UGT2B11: variants seen among roughly 807,000 people sequenced by gnomAD.
The protein encoded by UGT2B11 is UDP-glucuronosyltransferase 2B11.
Under a neutral mutation model 51.7 loss-of-function variants are expected in UGT2B11, and 49 were observed. The observed-to-expected ratio is 0.95, with a 90% CI of 0.75 to 1.20. The LOEUF is 1.20. UGT2B11 is among the 50% of genes most tolerant of loss of function. The pLI is 0.00. For missense variants in UGT2B11, 810 were observed against 622.1 expected, an observed-to-expected ratio of 1.30 and a Z score of -3.21; for synonymous variants, 273 against 209.0, an observed-to-expected ratio of 1.31 and a Z score of -2.64.
At chr4:69,208,809 A>G (rs1350078495) in intron 2 of UGT2B11, among the ~76,000 whole-genome samples, 2 of 151,600 alleles carry the variant, frequency 1.3e-5, no homozygotes, top group African/African-American at 2.4e-5. Context: ...TAATACTATA[A>G]TTACTAATAT....
At chr4:69,210,298 T>A (rs1438261629) in intron 2 of UGT2B11, among the ~76,000 whole-genome samples, 1 of 151,626 alleles carries the variant, frequency 6.6e-6, no homozygotes, top group Non-Finnish European at 1.5e-5. Context: ...TAGGTGCACC[T>A]TGATTTTTTT....
In UGT2B11 at chr4:69,212,697, G is replaced by T; in HGVS notation, c.746C>A (p.Thr249Lys). 6.2e-7 allele frequency: 1 copy of T among 1,608,904 alleles called. No individual in the cohort carries two copies. Among genetic ancestry groups the T allele is most frequent in the Non-Finnish European group, 8.5e-7 (1 of 1,177,290 alleles). Residue 249 changes from threonine (T) to lysine (K), a missense_variant, in exon 2 of 6, where the codon ACA becomes AAA. Physicochemically the swap from Thr to Lys is moderately conservative, Grantham distance 78 (BLOSUM62 -1). Coordinates refer to ENST00000446444, the MANE Select transcript of UGT2B11 (RefSeq NM_001073.3). Reference protein sequence around the residue: ...VLGRPTTLFETMGKADIWLMR... With the variant: ...VLGRPTTLFEKMGKADIWLMR... Reference sequence around the variant, plus strand: ...AAGCCATATGTCAGCTTTTCCCATTGTCTCAAATAAGGTAGTGGGTCTTCC... The same window carrying T: ...AAGCCATATGTCAGCTTTTCCCATTTTCTCAAATAAGGTAGTGGGTCTTCC...
intron 3 of UGT2B11, chr4:69,205,823 T>C (rs1240894011): frequency 8.3e-6 from 3 of 359,874 alleles, no homozygotes; most frequent in East Asian, 1.1e-4. Flanking sequence ...TTCAAAAAAT[T>C]GTTACACTTT....
At position 69,205,556 on chromosome 4, in the gene UGT2B11, T is replaced by C. The variant is rs1306173670; in HGVS notation, c.1014A>G (p.Arg338=). Residue 338 remains arginine, a synonymous_variant, in exon 4 of 6, where the codon AGA becomes AGG. Coordinates refer to ENST00000446444, the MANE Select transcript of UGT2B11 (RefSeq NM_001073.3). Reference sequence around the variant, plus strand: ...AGGCATCTGGTTTATTCCCGTCAAATCTCCACAGAACCTGTTACAGTAAAG... The same window carrying C: ...AGGCATCTGGTTTATTCCCGTCAAACCTCCACAGAACCTGTTACAGTAAAG... ...LAKIPQKVLW[R]FDGNKPDALG... 1.2e-6 allele frequency: 2 copies of C among 1,609,856 alleles called. No individual in the cohort carries two copies. Among genetic ancestry groups the C allele is most frequent in the African/African-American group, 1.3e-5 (1 of 74,578 alleles).
intron 2 of UGT2B11, among the ~76,000 whole-genome samples, chr4:69,210,343 CTA>C (rs1722015234): frequency 2.0e-5 from 3 of 151,380 alleles, no homozygotes; most frequent in African/African-American, 7.3e-5. Flanking sequence ...AAATTAATAA[CTA>C]CGCATTTTTA....
In UGT2B11 at chr4:69,200,732, A is replaced by C; in HGVS notation, c.1311-13T>G. The C allele has an allele frequency of 1.9e-6, 3 of 1,601,984 alleles. No homozygotes were observed. The highest frequency in any genetic ancestry group is 2.6e-6 in the Non-Finnish European group (3 of 1,174,332). On this transcript the variant is annotated splice_polypyrimidine_tract_variant and intron_variant, in intron 5 of 5. Coordinates refer to ENST00000446444, the MANE Select transcript of UGT2B11 (RefSeq NM_001073.3). ...ATTCTCTTTATATCTGAAGGATAAA[A>C]ATAAGGATACCAACACTGAAAGTAA...
chr4:69,212,229 T>C (rs990813802), intron 2 of UGT2B11, among the ~76,000 whole-genome samples: 8 of 151,656 alleles, frequency 5.3e-5, no homozygotes, highest in Non-Finnish European at 8.9e-5. Flanking sequence ...CTATTTTTTT[T>C]CTCTGAAATT....
At chr4:69,206,048 T>C (rs1721843763) in intron 3 of UGT2B11, among the ~76,000 whole-genome samples, 1 of 151,618 alleles carries the variant, frequency 6.6e-6, no homozygotes, top group African/African-American at 2.4e-5. Context: ...AGTTCAACCA[T>C]TGTGGAAGAC....
upstream of UGT2B11, chr4:69,216,190 C>G (rs944597380): frequency 6.6e-6 from 1 of 152,034 alleles, no homozygotes; most frequent in Non-Finnish European, 1.5e-5. Context: ...GAACTGACAT[C>G]TGCAAGAATG....
chr4:69,212,136 T>C (rs1419091751), intron 2 of UGT2B11, among the ~76,000 whole-genome samples: 1 of 151,652 alleles, frequency 6.6e-6, no homozygotes, highest in African/African-American at 2.4e-5. Context: ...TTCCTTGAGA[T>C]AATAGTTTTT....
intron 5 of UGT2B11, 78 bp downstream of exon 5, chr4:69,204,352 A>C: frequency 6.4e-7 from 1 of 1,565,816 alleles, no homozygotes; most frequent in Non-Finnish European, 8.7e-7. Context: ...TCTTATAAAA[A>C]GGATGAAACT....
intron 3 of UGT2B11, among the ~76,000 whole-genome samples, chr4:69,207,863 A>G (rs1433379301): frequency 6.6e-6 from 1 of 151,668 alleles, no homozygotes; most frequent in Admixed American, 6.6e-5. Flanking sequence ...TGCTGAGATT[A>G]GCAAAACAGC....
chr4:69,211,818 G>T (rs565886562), intron 2 of UGT2B11, among the ~76,000 whole-genome samples: 4 of 151,260 alleles, frequency 2.6e-5, no homozygotes, highest in Non-Finnish European at 5.9e-5. Flanking sequence ...AAAGAGAATC[G>T]TTTCATATAT....
rs1577966980 is a variant in UGT2B11, at chr4:69,213,994, A to C, written c.721+8T>G. 1 of 1,552,042 alleles carries C rather than the reference A, an allele frequency of 6.4e-7. No homozygotes were observed. The highest frequency in any genetic ancestry group is 2.3e-5 in the East Asian group (1 of 44,430). On this transcript the variant is annotated splice_region_variant and intron_variant, in intron 1 of 5. Transcript: ENST00000446444. ...GATCTTCACGTTACCGATTAAACAA[A>C]TTCTTACCTAAAACTTCACTGTAAA...
At chr4:69,221,785 G>A in the UGT2B11 span, among the ~76,000 whole-genome samples, 10 of 152,280 alleles carry the variant, frequency 6.6e-5, no homozygotes, top group African/African-American at 2.2e-4. Flanking sequence ...CCACTTCCTG[G>A]CCCTCAATGG....
At chr4:69,220,435 G>C in the UGT2B11 span, among the ~76,000 whole-genome samples, 1 of 110,296 alleles carries the variant, frequency 9.1e-6, no homozygotes, top group South Asian at 3.1e-4. Context: ...CTCTGGTGGT[G>C]ACTCTCTGTG....
the UGT2B11 span, among the ~76,000 whole-genome samples, chr4:69,223,758 C>G: frequency 6.6e-6 from 1 of 152,162 alleles, no homozygotes. Flanking sequence ...GTCCCCACTT[C>G]CCATCAAAGG....
chr4:69,201,307 C>T (rs978704849), intron 5 of UGT2B11: 2 of 151,722 alleles, frequency 1.3e-5, no homozygotes, highest in African/African-American at 2.4e-5. Context: ...CCTCATAGCT[C>T]GTCACTTTTC....
intron 1 of UGT2B11, 126 bp from the exon 2 acceptor site, chr4:69,212,847 A>T: frequency 1.1e-6 from 1 of 874,076 alleles, no homozygotes; most frequent in Non-Finnish European, 1.5e-6. Flanking sequence ...AAAAATATAT[A>T]AATATATATG....
Sources: allele counts gnomAD v4.1 joint callset (sites outside exome capture counted in the v4.1 genomes callset), GRCh38; gene constraint gnomAD v4.1.1; transcripts MANE v1.5; gene names NCBI Gene and HGNC (gene_info 2026-07-23, HGNC 2026-07-21).